WDR27: variants seen among roughly 807,000 people sequenced by gnomAD.
WDR27 encodes the protein WD repeat-containing protein 27.
Under a neutral mutation model 114.4 loss-of-function variants are expected in WDR27, and 100 were observed. The observed-to-expected ratio is 0.87, with a 90% CI of 0.74 to 1.03. WDR27 has a LOEUF of 1.03. Among genes scored for constraint, WDR27 ranks in the 50% least tolerant of loss-of-function variants. The probability of loss-of-function intolerance (pLI) is 0.00; values close to 1 mark genes in which losing one functional copy is unlikely to be tolerated. For missense variants in WDR27, 1,129 were observed against 1,092.9 expected (o/e 1.03, Z -0.47); for synonymous variants, 449 against 423.1 (o/e 1.06, Z -0.75).
chr6:169,654,716 GAGAAGGAGGCGCGCAC>G (rs1453441682), intron 13 of WDR27, among the ~76,000 whole-genome samples: 2 of 127,896 alleles, frequency 1.6e-5, no homozygotes, highest in African/African-American at 3.1e-5. Flanking sequence ...GCGCGCACAG[GAGAAGGAGGCGCGCAC>G]AGGAGGAGGC....
intron 14 of WDR27, among the ~76,000 whole-genome samples, chr6:169,650,515 A>C: frequency 1.6e-5 from 2 of 127,022 alleles, no homozygotes; most frequent in African/African-American, 3.1e-5. Flanking sequence ...CCCTCCATCT[A>C]CCTACTCATC....
intron 25 of WDR27, among the ~76,000 whole-genome samples, chr6:169,459,210 A>G (rs1411514509): frequency 6.6e-6 from 1 of 152,216 alleles, no homozygotes; most frequent in Non-Finnish European, 1.5e-5. Flanking sequence ...AGAGATGTGG[A>G]TAAAGTGAGG....
At chr6:169,450,448 G>T in the WDR27 span, among the ~76,000 whole-genome samples, 2 of 152,248 alleles carry the variant, frequency 1.3e-5, no homozygotes, top group Admixed American at 6.5e-5. Flanking sequence ...CGAGGCCACA[G>T]TTCTACAGCT....
chr6:169,448,085 A>C, the WDR27 span, among the ~76,000 whole-genome samples: 4 of 152,302 alleles, frequency 2.6e-5, no homozygotes, highest in South Asian at 6.2e-4. Flanking sequence ...GAAGTGCATA[A>C]GATTTTATAA....
chr6:169,515,465 T>G (rs1037019405), intron 25 of WDR27, among the ~76,000 whole-genome samples: 1 of 152,200 alleles, frequency 6.6e-6, no homozygotes. Context: ...AAAGCTCAAT[T>G]ATAAGTTATT....
intron 23 of WDR27, among the ~76,000 whole-genome samples, chr6:169,593,132 T>G (rs866507096): frequency 6.6e-6 from 1 of 152,240 alleles, no homozygotes; most frequent in Non-Finnish European, 1.5e-5. Flanking sequence ...CTATCAGTTA[T>G]GGTTACTTCA....
chr6:169,689,711 C>T (rs1783957847), intron 1 of WDR27, among the ~76,000 whole-genome samples: 1 of 152,366 alleles, frequency 6.6e-6, no homozygotes, highest in Non-Finnish European at 1.5e-5. Flanking sequence ...GCACTGGGGT[C>T]ATCCTTGATT....
intron 25 of WDR27, among the ~76,000 whole-genome samples, chr6:169,489,414 T>C (rs75796690): frequency 0.016 from 2,413 of 152,322 alleles, 58 homozygotes; most frequent in African/African-American, 0.054. Context: ...GACCGTCTCC[T>C]ACTTCTGCAC....
At chr6:169,666,657 C>A (rs1827902652) in intron 6 of WDR27, 3 of 985,940 alleles carry the variant, frequency 3.0e-6, no homozygotes. Context: ...GCTTCATTTA[C>A]CAACAGAAAG....
intron 25 of WDR27, among the ~76,000 whole-genome samples, chr6:169,528,188 T>C (rs771523528): frequency 2.1e-4 from 32 of 152,124 alleles, no homozygotes; most frequent in Non-Finnish European, 4.3e-4. Flanking sequence ...CATCTAATAA[T>C]AAAAATAGAT....
At chr6:169,557,898 T>A (rs1799146436) in intron 25 of WDR27, among the ~76,000 whole-genome samples, 1 of 152,182 alleles carries the variant, frequency 6.6e-6, no homozygotes. Context: ...TACTGTACAC[T>A]GTTTTAGACT....
intron 25 of WDR27, among the ~76,000 whole-genome samples, chr6:169,561,796 T>A (rs1799707415): frequency 6.6e-6 from 1 of 152,180 alleles, no homozygotes; most frequent in South Asian, 2.1e-4. Flanking sequence ...AAGATCAAGA[T>A]GTAATTAAAT....
intron 25 of WDR27, among the ~76,000 whole-genome samples, chr6:169,519,545 AAAC>A (rs1794103318): frequency 6.6e-6 from 1 of 151,992 alleles, no homozygotes; most frequent in Non-Finnish European, 1.5e-5. Context: ...CCATATACTT[AAAC>A]AACCAGATCT....
intron 21 of WDR27, among the ~76,000 whole-genome samples, chr6:169,615,918 C>A (rs986050806): frequency 6.7e-6 from 1 of 148,954 alleles, no homozygotes; most frequent in Non-Finnish European, 1.5e-5. Flanking sequence ...CTATAAGGAA[C>A]TTACGCTGGA....
intron 25 of WDR27, among the ~76,000 whole-genome samples, chr6:169,544,629 T>C (rs1177445028): frequency 2.0e-5 from 3 of 150,956 alleles, no homozygotes; most frequent in African/African-American, 7.3e-5. Flanking sequence ...GAGTTGGGGT[T>C]TCCCCATGTT....
chr6:169,571,617 C>T (rs140417290), intron 25 of WDR27, among the ~76,000 whole-genome samples: 266 of 152,324 alleles, frequency 1.7e-3, no homozygotes, highest in African/African-American at 5.9e-3. Flanking sequence ...CGCTTGAGCC[C>T]AGGAGTTCAA....
At chr6:169,675,827 C>A (rs1779945374) in intron 2 of WDR27, among the ~76,000 whole-genome samples, 1 of 152,064 alleles carries the variant, frequency 6.6e-6, no homozygotes, top group Non-Finnish European at 1.5e-5. Flanking sequence ...TCTTATCGGA[C>A]TTAAAAGGGT....
At chr6:169,634,143 G>A (rs1817097355) in intron 20 of WDR27, among the ~76,000 whole-genome samples, 1 of 152,190 alleles carries the variant, frequency 6.6e-6, no homozygotes, top group Non-Finnish European at 1.5e-5. Context: ...GTAGACATTA[G>A]TCAACAAAGT....
At chr6:169,517,933 AAC>A (rs1486093190) in intron 25 of WDR27, among the ~76,000 whole-genome samples, 3 of 152,252 alleles carry the variant, frequency 2.0e-5, no homozygotes, top group Non-Finnish European at 4.4e-5. Context: ...AGGTACAGAT[AAC>A]AGAGTTTATC....
Sources: gnomAD v4.1 joint callset for allele counts (sites outside exome capture counted in the v4.1 genomes callset) on GRCh38, gnomAD v4.1.1 for gene constraint, MANE v1.5 for transcripts, NCBI Gene and HGNC (gene_info 2026-07-23, HGNC 2026-07-21) for gene names.